ANXA8: variants seen among roughly 807,000 people sequenced by gnomAD.
The protein encoded by ANXA8 is annexin A8.
In ANXA8, 9 loss-of-function variants were observed where a neutral mutation model predicts 26.8. The ratio of observed to expected loss-of-function variants is 0.34; its 90% confidence interval spans 0.20 to 0.59. The LOEUF is 0.59. ANXA8 is among the 20% of genes least tolerant of loss of function. The pLI, the probability that ANXA8 is intolerant of heterozygous loss-of-function variation, is 0.84. For synonymous variants in ANXA8, 39 were observed against 94.8 expected (o/e 0.41, Z 3.42); for missense variants, 83 against 238.5 (o/e 0.35, Z 4.29).
the ANXA8 span, among the ~76,000 whole-genome samples, chr10:47,685,188 A>C: frequency 6.6e-6 from 1 of 150,828 alleles, no homozygotes; most frequent in Non-Finnish European, 1.5e-5. Flanking sequence ...CTCTACTAAA[A>C]ATACAAAATT....
At chr10:47,657,130 T>C in the ANXA8 span, among the ~76,000 whole-genome samples, 408 of 151,298 alleles carry the variant, frequency 2.7e-3, no homozygotes, top group African/African-American at 9.3e-3. Flanking sequence ...GAATCAAAGA[T>C]ATTGTCACCA....
At chr10:47,698,671 C>T in the ANXA8 span, among the ~76,000 whole-genome samples, 1 of 152,162 alleles carries the variant, frequency 6.6e-6, no homozygotes, top group Non-Finnish European at 1.5e-5. Flanking sequence ...GAAACCTCAT[C>T]TCTACTAAAA....
the ANXA8 span, among the ~76,000 whole-genome samples, chr10:47,528,082 G>GTT: frequency 1.1e-3 from 142 of 127,838 alleles, 2 homozygotes; most frequent in African/African-American, 3.5e-3. Flanking sequence ...TTAACAGAAT[G>GTT]TTTTTTTTTT....
At chr10:47,560,210 T>G in the ANXA8 span, among the ~76,000 whole-genome samples, 1 of 151,866 alleles carries the variant, frequency 6.6e-6, no homozygotes, top group African/African-American at 2.4e-5. Flanking sequence ...TCTGTTTGAT[T>G]TATGAATATC....
At chr10:47,533,185 T>TCACACACACACACA in the ANXA8 span, among the ~76,000 whole-genome samples, 11 of 102,466 alleles carry the variant, frequency 1.1e-4, no homozygotes, top group African/African-American at 4.0e-4. Flanking sequence ...TAAACACACA[T>TCACACACACACACA]CACACACACA....
At chr10:47,510,935 A>AATTAATTT in the ANXA8 span, among the ~76,000 whole-genome samples, 5 of 113,512 alleles carry the variant, frequency 4.4e-5, no homozygotes, top group African/African-American at 1.0e-4. Flanking sequence ...TTAATTAATT[A>AATTAATTT]ATTTATTTAT....
chr10:47,656,733 C>T, the ANXA8 span, among the ~76,000 whole-genome samples: 5 of 137,994 alleles, frequency 3.6e-5, no homozygotes, highest in African/African-American at 5.7e-5. Flanking sequence ...ATTTAAGTCA[C>T]ACGGCTAAGC....
chr10:47,649,715 T>TA, the ANXA8 span, among the ~76,000 whole-genome samples: 6 of 148,052 alleles, frequency 4.1e-5, no homozygotes, highest in African/African-American at 7.7e-5. Flanking sequence ...CCCTTAAAAT[T>TA]AAAAAAATTT....
chr10:47,734,835 A>G, the ANXA8 span, among the ~76,000 whole-genome samples: 1 of 128,962 alleles, frequency 7.8e-6, no homozygotes, highest in Non-Finnish European at 1.6e-5. Context: ...CCTGGCCAAC[A>G]TGGTGAAACC....
At chr10:47,490,588 G>A in the ANXA8 span, among the ~76,000 whole-genome samples, 3 of 151,594 alleles carry the variant, frequency 2.0e-5, no homozygotes, top group Non-Finnish European at 4.4e-5. Context: ...GAATGGCAGT[G>A]CTAGAAGCAA....
chr10:47,595,591 T>A, the ANXA8 span, among the ~76,000 whole-genome samples: 17 of 149,182 alleles, frequency 1.1e-4, no homozygotes, highest in South Asian at 2.1e-4. Context: ...ATGGAAAACA[T>A]AAAAGAGCAG....
chr10:47,976,089 A>ATCTC, the ANXA8 span, among the ~76,000 whole-genome samples: 39 of 147,570 alleles, frequency 2.6e-4, no homozygotes, highest in East Asian at 7.6e-3. Context: ...GTAGAAAACC[A>ATCTC]TCTCTCCAAA....
the ANXA8 span, among the ~76,000 whole-genome samples, chr10:47,949,128 A>ACC: frequency 2.6e-5 from 1 of 38,990 alleles, no homozygotes; most frequent in African/African-American, 1.3e-4. Context: ...CCTTACACAC[A>ACC]CACACACACA....
the ANXA8 span, among the ~76,000 whole-genome samples, chr10:47,550,137 T>C: frequency 6.6e-6 from 1 of 150,840 alleles, no homozygotes; most frequent in African/African-American, 2.5e-5. Context: ...AAATAAAATA[T>C]GGATGCGCCA....
chr10:47,628,168 A>G, the ANXA8 span, among the ~76,000 whole-genome samples: 2 of 150,282 alleles, frequency 1.3e-5, no homozygotes, highest in African/African-American at 4.9e-5. Context: ...ACCAGGTTCA[A>G]GTGGGGACAG....
the ANXA8 span, among the ~76,000 whole-genome samples, chr10:47,587,325 C>T: frequency 6.7e-6 from 1 of 148,878 alleles, no homozygotes; most frequent in Non-Finnish European, 1.5e-5. Context: ...TAAACTAACT[C>T]ATTTTATAGA....
the ANXA8 span, among the ~76,000 whole-genome samples, chr10:47,674,600 A>C: frequency 6.6e-6 from 1 of 151,644 alleles, no homozygotes; most frequent in Non-Finnish European, 1.5e-5. Context: ...AGGAAGTTAC[A>C]TATGCGCAGC....
chr10:47,735,881 TC>T, the ANXA8 span, among the ~76,000 whole-genome samples: 2 of 147,796 alleles, frequency 1.4e-5, no homozygotes, highest in Admixed American at 6.9e-5. Context: ...CCTCAAGTGA[TC>T]CCCTTTGCCT....
At chr10:47,952,748 A>G in the ANXA8 span, among the ~76,000 whole-genome samples, 1 of 147,810 alleles carries the variant, frequency 6.8e-6, no homozygotes, top group African/African-American at 2.6e-5. Context: ...ATTACAGGAA[A>G]GCGAGTAATG....
Sources: allele counts gnomAD v4.1 joint callset (sites outside exome capture counted in the v4.1 genomes callset), GRCh38; gene constraint gnomAD v4.1.1; transcripts MANE v1.5; gene names NCBI Gene and HGNC (gene_info 2026-07-23, HGNC 2026-07-21).